Variants in BRD7 observed in about 807,000 individuals in gnomAD.
The protein encoded by BRD7 is bromodomain containing 7, also known as bromodomain-containing protein 7.
A neutral mutation model predicts 82.1 loss-of-function variants in BRD7; 15 were observed. That is an observed-to-expected ratio of 0.18 (90% CI 0.12 to 0.28). BRD7 has a LOEUF of 0.28. Among genes scored for constraint, BRD7 ranks in the 10% least tolerant of loss-of-function variants. The probability of loss-of-function intolerance (pLI) is 1.00; values close to 1 mark genes in which losing one functional copy is unlikely to be tolerated. For missense variants in BRD7, 638 were observed against 779.9 expected (o/e 0.82, Z 2.17); for synonymous variants, 232 against 266.9 (o/e 0.87, Z 1.27).
At position 50,320,728 on chromosome 16, in the gene BRD7, T is replaced by C; in HGVS notation, c.1547A>G (p.Asp516Gly). 6.2e-7 allele frequency: 1 copy of C among 1,614,218 alleles called. No homozygotes were observed. The highest frequency in any genetic ancestry group is 8.5e-7 in the Non-Finnish European group (1 of 1,180,024). Residue 516 changes from aspartate (D) to glycine (G), a missense_variant, in exon 14 of 17, where the codon GAC becomes GGC. Asp to Gly is a moderately conservative substitution (Grantham distance 94). This residue lies in a region of BRD7 where 402 missense variants were observed against 500.8 expected (regional missense o/e 0.80). Transcript: ENST00000394688. The part of the protein sequence containing the change: ...PPGRLDSSTQ[D>G]RLIALKAVTN... ...TACTGCTTTCAGCGCTATGAGCCTG[T>C]CTTGAGTACTGGAGTCCAAACGCCC...
At chr16:50,330,144 T>C (rs908167989) in intron 8 of BRD7, among the ~76,000 whole-genome samples, 10 of 152,196 alleles carry the variant, frequency 6.6e-5, no homozygotes, top group Non-Finnish European at 1.0e-4. Context: ...CTCTGCTCTT[T>C]TCTGTATTGT....
chr16:50,349,166 C>T (rs9934775), intron 5 of BRD7: 41,501 of 167,302 alleles, frequency 0.25, 6,229 homozygotes, highest in African/African-American at 0.42. Flanking sequence ...AAACACCGCA[C>T]GTTCTCCCTC....
At chr16:50,324,847 T>C (rs936142698) in intron 11 of BRD7, among the ~76,000 whole-genome samples, 4 of 152,240 alleles carry the variant, frequency 2.6e-5, no homozygotes, top group Admixed American at 2.6e-4. Context: ...GTGGAATGCA[T>C]AGATGCATGA....
chr16:50,340,952 A>T (rs2038021541), intron 5 of BRD7, among the ~76,000 whole-genome samples: 1 of 152,196 alleles, frequency 6.6e-6, no homozygotes, highest in East Asian at 1.9e-4. Context: ...AAAAAATTCA[A>T]ATTCCACTAT....
chr16:50,332,033 A>T (rs972659184), intron 8 of BRD7, among the ~76,000 whole-genome samples: 1 of 152,236 alleles, frequency 6.6e-6, no homozygotes, highest in African/African-American at 2.4e-5. Context: ...AATTATAAAA[A>T]TCCTAGAATA....
At chr16:50,342,282 A>G (rs1404854836) in intron 5 of BRD7, among the ~76,000 whole-genome samples, 1 of 152,156 alleles carries the variant, frequency 6.6e-6, no homozygotes, top group Non-Finnish European at 1.5e-5. Context: ...CCAGATAAAA[A>G]GTTGGGAAAA....
At chr16:50,322,854 G>A (rs867494992) in intron 12 of BRD7, among the ~76,000 whole-genome samples, 3 of 152,158 alleles carry the variant, frequency 2.0e-5, no homozygotes, top group Admixed American at 1.3e-4. Flanking sequence ...GTCCAAGTGC[G>A]GATATTTTAC....
chr16:50,324,571 C>G (rs1216372040), intron 11 of BRD7, among the ~76,000 whole-genome samples: 1 of 152,196 alleles, frequency 6.6e-6, no homozygotes, highest in Non-Finnish European at 1.5e-5. Context: ...GGGAAGGCTC[C>G]CACTCAGGCC....
chr16:50,330,234 T>A (rs1050204562), intron 8 of BRD7, among the ~76,000 whole-genome samples: 1 of 152,188 alleles, frequency 6.6e-6, no homozygotes, highest in Admixed American at 6.5e-5. Flanking sequence ...CCAGTAAGTA[T>A]TAGGCCCTAA....
Position 50,368,706 on chromosome 16 carries a change from C to A in BRD7, c.49+20G>T. The A allele has an allele frequency of 1.9e-6, 3 of 1,552,118 alleles. No individual in the cohort carries two copies. The highest frequency in any genetic ancestry group is 2.6e-6 in the Non-Finnish European group (3 of 1,150,736). ...AGAGCCGCCGAGGGCCCGCCGCCCG[C>A]ACCCCGGCCCCCTCCTCACCCTCGT... On this transcript the variant is annotated intron_variant, in intron 1 of 16. Coordinates refer to ENST00000394688, the MANE Select transcript of BRD7 (RefSeq NM_013263.5).
At chr16:50,335,353 C>T (rs1448617031) in intron 6 of BRD7, among the ~76,000 whole-genome samples, 1 of 152,238 alleles carries the variant, frequency 6.6e-6, no homozygotes, top group Non-Finnish European at 1.5e-5. Flanking sequence ...ACGGATGACG[C>T]TGGCATTTCA....
At chr16:50,354,508 G>A in intron 3 of BRD7, 26 bp from the exon 4 acceptor site, 1 of 1,592,180 alleles carries the variant, frequency 6.3e-7, no homozygotes, top group African/African-American at 1.3e-5. Context: ...AGGGAAAAGG[G>A]TATTTTAAAA....
rs1315368365 is a variant in BRD7 at position 50,317,859 on chromosome 16, T to C, written c.*1352A>G. 6.6e-6 allele frequency: 1 copy of C among 152,152 alleles called. No homozygotes were observed. The highest frequency in any genetic ancestry group is 2.4e-5 in the African/African-American group (1 of 41,380). The allele number at this position is 152,152 out of a possible 1,614,324, so 9.4% of individuals were successfully genotyped here. A position where few individuals can be genotyped will look rare whatever the true frequency, so the allele number is the denominator to read the frequency against. ...CCTGAGTTAACTTTTGTGAAAATAATACCTAAGGTTTTCTGGCTTATTGAG... is the reference window on the plus strand; with the variant it reads ...CCTGAGTTAACTTTTGTGAAAATAACACCTAAGGTTTTCTGGCTTATTGAG... On this transcript the variant is annotated 3_prime_UTR_variant, in exon 17 of 17. Coordinates refer to ENST00000394688, the MANE Select transcript of BRD7 (RefSeq NM_013263.5).
At chr16:50,325,487 T>C (rs1220812315) in intron 11 of BRD7, among the ~76,000 whole-genome samples, 2 of 152,178 alleles carry the variant, frequency 1.3e-5, no homozygotes, top group Non-Finnish European at 2.9e-5. Context: ...TCCTACACTT[T>C]AGTACTGGCT....
intron 1 of BRD7, 150 bp downstream of exon 1, chr16:50,368,562 CCGCACGGGGGGCAG>C (rs2039245231): frequency 1.3e-6 from 1 of 774,474 alleles, no homozygotes; most frequent in Non-Finnish European, 1.9e-6. Context: ...AATGCCGCGG[CCGCACGGGGGGCAG>C]CGCGGCCTCC....
intron 5 of BRD7, among the ~76,000 whole-genome samples, chr16:50,348,493 A>T (rs2038380346): frequency 1.3e-5 from 2 of 152,218 alleles, no homozygotes; most frequent in African/African-American, 4.8e-5. Context: ...AATGGGAGAA[A>T]ATTTTCACAG....
Position 50,340,076 on chromosome 16 carries a change from T to G in BRD7, c.602A>C (p.Lys201Thr). 6.5e-7 allele frequency: 1 copy of G among 1,538,646 alleles called. No homozygotes were observed. The highest frequency in any genetic ancestry group is 8.8e-7 in the Non-Finnish European group (1 of 1,137,174). The change falls in exon 6 of 17, where the codon AAA becomes ACA. Residue 201 changes from lysine (K) to threonine (T), a missense_variant. Physicochemically the swap from Lys to Thr is moderately conservative, Grantham distance 78. Transcript: ENST00000394688. Reference sequence around the variant, plus strand: ...AATCATGGCATTAGTACACATTAGTTTGAAGTTATCCTGCAGAAAGAACAT... The same window carrying G: ...AATCATGGCATTAGTACACATTAGTGTGAAGTTATCCTGCAGAAAGAACAT... ...QSIEELKDNF[K>T]LMCTNAMIYN... is the part of the protein sequence containing the mutation.
chr16:50,326,146 A>G (rs2037328055), intron 10 of BRD7, 138 bp downstream of exon 10: 3 of 756,432 alleles, frequency 4.0e-6, no homozygotes, highest in Non-Finnish European at 2.2e-6. Context: ...TCTGAAGTTA[A>G]TAAAATAGCT....
At chr16:50,351,695 T>C (rs2038529559) in intron 4 of BRD7, among the ~76,000 whole-genome samples, 1 of 152,206 alleles carries the variant, frequency 6.6e-6, no homozygotes, top group South Asian at 2.1e-4. Flanking sequence ...GACTAAGAAA[T>C]ACTTCCTGAA....
Sources: allele counts gnomAD v4.1 joint callset (sites outside exome capture counted in the v4.1 genomes callset), GRCh38; gene constraint gnomAD v4.1.1; regional missense constraint gnomAD v4.1.1; transcripts MANE v1.5; gene names NCBI Gene and HGNC (gene_info 2026-07-23, HGNC 2026-07-21).